Variants in LRGUK observed in about 807,000 individuals in gnomAD.
LRGUK encodes the protein leucine rich repeats and guanylate kinase domain containing.
A neutral mutation model predicts 76.0 loss-of-function variants in LRGUK; 65 were observed. That is an observed-to-expected ratio of 0.85 (90% CI 0.70 to 1.05). The LOEUF is 1.05. Ranked by LOEUF, LRGUK falls within the 50% of genes least tolerant of loss-of-function variation. The pLI is 0.00. For missense variants in LRGUK, 758 were observed against 732.8 expected (o/e 1.03, Z -0.40); for synonymous variants, 268 against 265.6 (o/e 1.01, Z -0.09).
At chr7:134,149,788 A>G (rs368194448) in intron 5 of LRGUK, among the ~76,000 whole-genome samples, 3 of 152,196 alleles carry the variant, frequency 2.0e-5, no homozygotes, top group African/African-American at 7.2e-5. Context: ...ACAGTCCAGA[A>G]GCTATCTGGC....
Position 134,241,008 on chromosome 7 carries a change from G to T in LRGUK, c.1984-6548G>T, listed in dbSNP as rs1452433336. On this transcript the variant is annotated intron_variant, in intron 16 of 19. Coordinates refer to the LRGUK transcript ENST00000285928. ...CTTTACAGACAAACAAATGCTAAGA[G>T]ATTTTGTCACCACCAGGCCTACCTT... 3.9e-5 allele frequency among the ~76,000 whole-genome samples: 6 copies of T among 152,174 alleles called. No individual in the cohort carries two copies. In the East Asian group the frequency reaches 1.2e-3, roughly 29 times the overall value.
chr7:134,247,589 G>T (rs773262870), exon 17 of LRGUK: 5 of 1,613,834 alleles, frequency 3.1e-6, no homozygotes, highest in Non-Finnish European at 4.2e-6. Context: ...GCACGAGGCA[G>T]CCCGGCAAGC....
At chr7:134,188,511 G>T (rs865879065) in intron 11 of LRGUK, among the ~76,000 whole-genome samples, 1 of 152,118 alleles carries the variant, frequency 6.6e-6, no homozygotes, top group Non-Finnish European at 1.5e-5. Flanking sequence ...ATGTAGTGAC[G>T]GGTGATGATA....
chr7:134,181,186 T>G (rs1799728179), intron 10 of LRGUK, among the ~76,000 whole-genome samples: 1 of 152,166 alleles, frequency 6.6e-6, no homozygotes, highest in Admixed American at 6.5e-5. Context: ...GTATTTTCCT[T>G]AGGAAGGGAT....
At chr7:134,180,196 G>T (rs1799678722) in intron 10 of LRGUK, among the ~76,000 whole-genome samples, 1 of 152,120 alleles carries the variant, frequency 6.6e-6, no homozygotes, top group African/African-American at 2.4e-5. Context: ...TCCAGTCTGG[G>T]GGTTAAGATA....
intron 6 of LRGUK, among the ~76,000 whole-genome samples, chr7:134,162,564 C>T (rs971024865): frequency 8.5e-4 from 130 of 152,162 alleles, no homozygotes; most frequent in African/African-American, 3.0e-3. Flanking sequence ...CAGTGGCTCA[C>T]GCCAGTGATC....
At chr7:134,235,608 G>A (rs1273487282) in intron 16 of LRGUK, among the ~76,000 whole-genome samples, 1 of 152,080 alleles carries the variant, frequency 6.6e-6, no homozygotes, top group Non-Finnish European at 1.5e-5. Flanking sequence ...TATTATGCTT[G>A]TTGTTGGTCT....
At chr7:134,171,099 G>C (rs1407232641) in intron 7 of LRGUK, among the ~76,000 whole-genome samples, 2 of 151,038 alleles carry the variant, frequency 1.3e-5, no homozygotes, top group Admixed American at 1.3e-4. Context: ...GGCAACCCAA[G>C]TTCTAACCCT....
At position 134,127,408 on chromosome 7, in the gene LRGUK, CCT is replaced by C; in HGVS notation, c.47_48del (p.Leu16ProfsTer39). On this transcript the variant is annotated frameshift_variant, in exon 1 of 16. Transcript: ENST00000645682. LOFTEE classifies it high-confidence loss of function. ...AGGGCTCTCCTGAGGACCAGAGCTG[CCT>C]CTCTCCTGAGAGGCTTGGGCAGATC... 1 of 1,613,770 alleles carries C rather than the reference CCT, an allele frequency of 6.2e-7. No homozygotes were observed. The highest frequency in any genetic ancestry group is 8.5e-7 in the Non-Finnish European group (1 of 1,179,884).
intron 16 of LRGUK, among the ~76,000 whole-genome samples, chr7:134,231,018 T>C (rs891299145): frequency 4.6e-5 from 7 of 152,148 alleles, no homozygotes; most frequent in African/African-American, 1.7e-4. Flanking sequence ...TGCAGTGAGT[T>C]AGCAAAACCC....
At chr7:134,229,375 A>AATCT (rs3030442) in intron 16 of LRGUK, among the ~76,000 whole-genome samples, 40,607 of 147,378 alleles carry the variant, frequency 0.28, 5,652 homozygotes, top group East Asian at 0.34. Context: ...AAAAAAAAAA[A>AATCT]ATCTATCTAT....
chr7:134,247,409 T>C (rs1802330684), intron 16 of LRGUK, 147 bp from the exon 17 acceptor site: 2 of 520,286 alleles, frequency 3.8e-6, no homozygotes, highest in Non-Finnish European at 6.7e-6. Context: ...TTTTCCTGAG[T>C]GAATATCAAT....
chr7:134,140,684 G>T lies in LRGUK; in HGVS notation c.487+1167G>T, dbSNP rs73437207. Reference sequence around the variant, plus strand: ...TATGTCTTCTCTGTTTGATTCTGGGGTTTTTTTCCCCTTCTAGGACCCTAA... The same window carrying T: ...TATGTCTTCTCTGTTTGATTCTGGGTTTTTTTTCCCCTTCTAGGACCCTAA... On this transcript the variant is annotated intron_variant, in intron 3 of 15. Transcript: ENST00000645682. 6.1e-3 allele frequency among the ~76,000 whole-genome samples: 903 copies of T among 148,318 alleles called. 13 individuals are homozygous for T. The highest frequency in any genetic ancestry group is 0.021 in the African/African-American group (866 of 40,424).
At chr7:134,127,895 T>C (rs569220179) in intron 1 of LRGUK, among the ~76,000 whole-genome samples, 11 of 152,212 alleles carry the variant, frequency 7.2e-5, no homozygotes, top group Middle Eastern at 3.4e-3. Flanking sequence ...CATTAACACA[T>C]TTGATTTCTT....
chr7:134,268,715 A>ATTTTT (rs1802904887), downstream of LRGUK, among the ~76,000 whole-genome samples: 2 of 111,866 alleles, frequency 1.8e-5, no homozygotes, highest in Non-Finnish European at 3.8e-5. Context: ...TATGCAAAAA[A>ATTTTT]TCTTTTTTTT....
At chr7:134,233,161 C>T (rs994706776) in intron 16 of LRGUK, among the ~76,000 whole-genome samples, 1 of 152,222 alleles carries the variant, frequency 6.6e-6, no homozygotes, top group African/African-American at 2.4e-5. Flanking sequence ...TATTGTTATA[C>T]TTCAGTCTCC....
At chr7:134,226,669 C>T (rs1300215863) in intron 16 of LRGUK, among the ~76,000 whole-genome samples, 2 of 152,180 alleles carry the variant, frequency 1.3e-5, no homozygotes, top group Non-Finnish European at 2.9e-5. Flanking sequence ...TACTGGGTAA[C>T]CTTACAAAAG....
chr7:134,186,591 G>A (rs1430827415), intron 11 of LRGUK, among the ~76,000 whole-genome samples: 1 of 152,218 alleles, frequency 6.6e-6, no homozygotes, highest in African/African-American at 2.4e-5. Flanking sequence ...AAGCATGGGT[G>A]ATCTTCCCCA....
Position 134,241,852 on chromosome 7 carries a change from T to C in LRGUK, c.1984-5704T>C, listed in dbSNP as rs1443460665. 4.6e-5 allele frequency among the ~76,000 whole-genome samples: 7 copies of C among 152,300 alleles called. No individual in the cohort carries two copies. The South Asian group carries it at 1.4e-3, about 32-fold the overall frequency. On this transcript the variant is annotated intron_variant, in intron 16 of 19. Transcript: ENST00000285928. The stretch of plus-strand genomic sequence containing the variant: ...TAAAAGAACAGAAATTATAACAAAC[T>C]GTCTCTCAGACAACAGTGCAATCAA...
Sources: allele counts gnomAD v4.1 joint callset (sites outside exome capture counted in the v4.1 genomes callset), GRCh38; gene constraint gnomAD v4.1.1; transcripts MANE v1.5; gene names NCBI Gene and HGNC (gene_info 2026-07-23, HGNC 2026-07-21).